The following EXOC3L2 variants were observed in gnomAD, a reference collection of about 807,000 sequenced individuals.
EXOC3L2 encodes the protein exocyst complex component 3 like 2, also known as exocyst complex component 3-like protein 2.
In EXOC3L2, 17 loss-of-function variants were observed where a neutral mutation model predicts 44.4. The observed-to-expected ratio is 0.38, with a 90% CI of 0.26 to 0.57. The LOEUF (loss-of-function observed/expected upper bound fraction) is 0.57, where lower values mean the gene tolerates loss of function less well. Ranked by LOEUF, EXOC3L2 falls within the 20% of genes least tolerant of loss-of-function variation. The pLI is 0.65. For synonymous variants in EXOC3L2, 256 were observed against 253.7 expected (o/e 1.01, Z -0.09); for missense variants, 541 against 588.4 (o/e 0.92, Z 0.83).
rs371811745 is a variant in EXOC3L2 at position 45,217,568 on chromosome 19, C to T, written c.1958G>A (p.Arg653Gln). 8 of 1,556,708 alleles carry T rather than the reference C, an allele frequency of 5.1e-6. No homozygotes were observed. The highest frequency in any genetic ancestry group is 1.8e-5 in the Admixed American group (1 of 54,230). The change falls in exon 10 of 12, where the codon CGG becomes CAG. Residue 653 changes from arginine (R) to glutamine (Q), a missense_variant. By Grantham distance (43) the Arg-to-Gln change is conservative. Transcript: ENST00000413988. ...RTRSRVAGRLREDAAQLQRLF... is the reference protein window; with the variant it reads ...RTRSRVAGRLQEDAAQLQRLF... ...CCTCTGCAGTTGCGCCGCGTCCTCCCGGAGCCTGCCGGCCACGCGGCTGCG... is the reference window on the plus strand; with the variant it reads ...CCTCTGCAGTTGCGCCGCGTCCTCCTGGAGCCTGCCGGCCACGCGGCTGCG...
intron 7 of EXOC3L2, among the ~76,000 whole-genome samples, chr19:45,227,203 C>T (rs1436709603): frequency 6.6e-6 from 1 of 151,226 alleles, no homozygotes; most frequent in Non-Finnish European, 1.5e-5. Context: ...CTGCAAGCTC[C>T]GCCTCCCGGG....
intron 2 of EXOC3L2, among the ~76,000 whole-genome samples, chr19:45,237,249 C>G (rs1181079001): frequency 6.6e-6 from 1 of 152,078 alleles, no homozygotes; most frequent in African/African-American, 2.4e-5. Context: ...CCTGTCATTC[C>G]AGCACTTTGA....
At chr19:45,220,582 G>A (rs1017125390) in intron 8 of EXOC3L2, among the ~76,000 whole-genome samples, 4 of 152,142 alleles carry the variant, frequency 2.6e-5, no homozygotes, top group African/African-American at 2.4e-5. Flanking sequence ...TGGGCCTTTC[G>A]AAGTGTGTGT....
At chr19:45,224,471 G>A (rs950735562) in intron 8 of EXOC3L2, among the ~76,000 whole-genome samples, 5 of 152,086 alleles carry the variant, frequency 3.3e-5, no homozygotes, top group Non-Finnish European at 7.4e-5. Context: ...GCGGGCACGA[G>A]GACCAGGAGA....
At chr19:45,224,167 G>A (rs992285553) in intron 8 of EXOC3L2, among the ~76,000 whole-genome samples, 1 of 150,358 alleles carries the variant, frequency 6.7e-6, no homozygotes, top group Non-Finnish European at 1.5e-5. Flanking sequence ...GGAGAGCCAG[G>A]AGTGGGGGGA....
intron 1 of EXOC3L2, among the ~76,000 whole-genome samples, chr19:45,242,470 TG>T (rs970937900): frequency 1.8e-4 from 27 of 152,224 alleles, no homozygotes; most frequent in African/African-American, 6.5e-4. Context: ...CATGCTGGTC[TG>T]GAACTCCTGC....
intron 7 of EXOC3L2, among the ~76,000 whole-genome samples, chr19:45,227,451 G>A (rs1014156292): frequency 1.3e-5 from 2 of 152,028 alleles, no homozygotes; most frequent in Non-Finnish European, 2.9e-5. Flanking sequence ...TCTTGAGTCC[G>A]GCGTCTAGGA....
chr19:45,236,856 C>G (rs1970088512), intron 2 of EXOC3L2, among the ~76,000 whole-genome samples: 1 of 151,712 alleles, frequency 6.6e-6, no homozygotes, highest in East Asian at 2.0e-4. Flanking sequence ...AAAAATTTAG[C>G]CAGGCATGGA....
intron 9 of EXOC3L2, 99 bp downstream of exon 9, chr19:45,218,098 T>C: frequency 2.1e-6 from 3 of 1,405,056 alleles, no homozygotes; most frequent in Non-Finnish European, 2.8e-6. Context: ...CGTTCTTGGC[T>C]CTCCCAACCT....
At chr19:45,230,052 T>A (rs1970014274) in intron 4 of EXOC3L2, among the ~76,000 whole-genome samples, 1 of 151,938 alleles carries the variant, frequency 6.6e-6, no homozygotes, top group Non-Finnish European at 1.5e-5. Flanking sequence ...AGAGGCCACG[T>A]CTTGCTCTGT....
chr19:45,239,109 T>A, intron 1 of EXOC3L2, 48 bp from the exon 2 acceptor site: 1 of 396,726 alleles, frequency 2.5e-6, no homozygotes, highest in Non-Finnish European at 4.4e-6. Context: ...ACAATGGTGG[T>A]ATGGATGACG....
intron 8 of EXOC3L2, among the ~76,000 whole-genome samples, chr19:45,221,568 C>T (rs190195976): frequency 6.8e-6 from 1 of 148,050 alleles, no homozygotes; most frequent in African/African-American, 2.5e-5. Flanking sequence ...AGGATGGTCT[C>T]TTGACCTTGT....
At chr19:45,240,847 T>C (rs1051265059) in intron 1 of EXOC3L2, among the ~76,000 whole-genome samples, 1 of 151,910 alleles carries the variant, frequency 6.6e-6, no homozygotes, top group Non-Finnish European at 1.5e-5. Context: ...GAAGTTGCGG[T>C]GAGCTGAGAT....
At chr19:45,239,240 C>T (rs183657985) in intron 1 of EXOC3L2, among the ~76,000 whole-genome samples, 179 bp from the exon 2 acceptor site, 29,671 of 129,106 alleles carry the variant, frequency 0.23, 3,588 homozygotes, top group South Asian at 0.3. Flanking sequence ...TTTTTTGAGA[C>T]GGGGTCTCGC....
rs567091551 is a variant in EXOC3L2 at position 45,227,859 on chromosome 19, G to GAC, written c.1473-88_1473-87insGT. On this transcript the variant is annotated intron_variant, in intron 6 of 11. Transcript: ENST00000413988. ...GCCTGCCAAAGCCACCATCCCTGCG[G>GAC]TGGCACTCTACCTGTCCTCAGGTGA... The GAC allele has an allele frequency of 4.6e-3, 6,948 of 1,519,786 alleles. 18 individuals carry two copies. Among genetic ancestry groups the GAC allele is most frequent in the Middle Eastern group, 6.4e-3 (31 of 4,816 alleles). The allele number at this position is 1,519,786 out of a possible 1,614,324, so 94.1% of individuals were successfully genotyped here. A position where few individuals can be genotyped will look rare whatever the true frequency, so the allele number is the denominator to read the frequency against.
chr19:45,214,834 C>T (rs193233897), intron 11 of EXOC3L2, among the ~76,000 whole-genome samples: 20 of 152,090 alleles, frequency 1.3e-4, no homozygotes, highest in Admixed American at 3.9e-4. Context: ...ACTTGCTAGG[C>T]GTGATATTTC....
At chr19:45,218,158 T>TGGGCCC in intron 9 of EXOC3L2, 39 bp downstream of exon 9, 1 of 1,034,904 alleles carries the variant, frequency 9.7e-7, no homozygotes, top group African/African-American at 1.7e-5. Flanking sequence ...TCCCCTCTTT[T>TGGGCCC]CCCCCACCCC....
At chr19:45,223,854 C>T (rs1205409868) in intron 8 of EXOC3L2, among the ~76,000 whole-genome samples, 2 of 151,724 alleles carry the variant, frequency 1.3e-5, no homozygotes, top group African/African-American at 2.4e-5. Context: ...ATTAGCTGGG[C>T]GTGGTGGTGC....
chr19:45,223,892 G>A (rs888081440), intron 8 of EXOC3L2, among the ~76,000 whole-genome samples: 1 of 152,020 alleles, frequency 6.6e-6, no homozygotes, highest in Non-Finnish European at 1.5e-5. Context: ...TACTAGGGAG[G>A]CTGAGGCAGG....
Sources: gnomAD v4.1 joint callset for allele counts (sites outside exome capture counted in the v4.1 genomes callset) on GRCh38, gnomAD v4.1.1 for gene constraint, MANE v1.5 for transcripts, NCBI Gene and HGNC (gene_info 2026-07-23, HGNC 2026-07-21) for gene names.